The following ULK4 variants were observed in gnomAD, a reference collection of about 807,000 sequenced individuals.
ULK4 encodes unc-51 like kinase 4, also known as inactive serine/threonine-protein kinase ULK4.
Under a neutral mutation model 160.6 loss-of-function variants are expected in ULK4, and 133 were observed. That is an observed-to-expected ratio of 0.83 (90% CI 0.72 to 0.96). The LOEUF (loss-of-function observed/expected upper bound fraction) is 0.96, where lower values mean the gene tolerates loss of function less well. ULK4 is among the 40% of genes least tolerant of loss of function. ULK4 has a pLI of 0.00. For missense variants in ULK4, 1,580 were observed against 1,499.5 expected, an observed-to-expected ratio of 1.05 and a Z score of -0.89; for synonymous variants, 534 against 539.8, an observed-to-expected ratio of 0.99 and a Z score of 0.15.
intron 22 of ULK4, among the ~76,000 whole-genome samples, chr3:41,728,446 G>A (rs372251066): frequency 6.6e-6 from 1 of 152,084 alleles, no homozygotes; most frequent in African/African-American, 2.4e-5. Flanking sequence ...GCTCTGGTGA[G>A]AACTAATGGA....
intron 18 of ULK4, among the ~76,000 whole-genome samples, chr3:41,830,085 G>T (rs1266201313): frequency 6.6e-6 from 1 of 151,988 alleles, no homozygotes; most frequent in Admixed American, 6.6e-5. Flanking sequence ...TCATAGGTGG[G>T]AATTGAACAA....
At chr3:41,283,161 A>C (rs984909346) in intron 35 of ULK4, among the ~76,000 whole-genome samples, 1 of 152,238 alleles carries the variant, frequency 6.6e-6, no homozygotes, top group African/African-American at 2.4e-5. Context: ...GATGCTGGAA[A>C]GGATGTGGAG....
At chr3:41,247,157 G>C (rs1014618278) in intron 36 of ULK4, among the ~76,000 whole-genome samples, 165 bp from the exon 37 acceptor site, 1 of 152,214 alleles carries the variant, frequency 6.6e-6, no homozygotes, top group Non-Finnish European at 1.5e-5. Context: ...GTCCTGGTGG[G>C]GTTCAGAATT....
At chr3:41,331,490 T>C (rs947717193) in intron 35 of ULK4, among the ~76,000 whole-genome samples, 2 of 152,178 alleles carry the variant, frequency 1.3e-5, no homozygotes, top group African/African-American at 4.8e-5. Flanking sequence ...AAGAAAAATA[T>C]CTGTCTAAGG....
At chr3:41,471,932 CT>C (rs2084002486) in intron 32 of ULK4, among the ~76,000 whole-genome samples, 1 of 122,904 alleles carries the variant, frequency 8.1e-6, no homozygotes, top group Admixed American at 7.3e-5. Context: ...AATGTTATAT[CT>C]CAAAAAAAAA....
At chr3:41,696,359 G>C (rs142148709) in intron 27 of ULK4, among the ~76,000 whole-genome samples, 1,835 of 152,182 alleles carry the variant, frequency 0.012, 11 homozygotes, top group Non-Finnish European at 0.018. Context: ...GGTGTAAGCT[G>C]TCTCTCTCTC....
At chr3:41,615,817 A>T in intron 30 of ULK4, 100 bp from the exon 31 acceptor site, 4 of 1,008,676 alleles carry the variant, frequency 4.0e-6, no homozygotes, top group Non-Finnish European at 5.9e-6. Flanking sequence ...TTTATTGCTA[A>T]AATTCCATGA....
At chr3:41,457,822 C>A (rs1206853786) in intron 33 of ULK4, among the ~76,000 whole-genome samples, 1 of 152,170 alleles carries the variant, frequency 6.6e-6, no homozygotes, top group Admixed American at 6.5e-5. Context: ...GAACCACTCC[C>A]TTTTGTCATT....
At chr3:41,322,425 A>C (rs899523537) in intron 35 of ULK4, among the ~76,000 whole-genome samples, 1 of 152,136 alleles carries the variant, frequency 6.6e-6, no homozygotes, top group Non-Finnish European at 1.5e-5. Flanking sequence ...TTTTCTGAGG[A>C]GGCAATAATT....
intron 34 of ULK4, among the ~76,000 whole-genome samples, chr3:41,415,592 G>A (rs2082507143): frequency 6.6e-6 from 1 of 152,026 alleles, no homozygotes; most frequent in Admixed American, 6.6e-5. Context: ...TTTCAAAAGG[G>A]TGCCTCCACA....
At chr3:41,492,200 A>G (rs538348851) in intron 32 of ULK4, among the ~76,000 whole-genome samples, 2 of 152,080 alleles carry the variant, frequency 1.3e-5, no homozygotes, top group East Asian at 3.9e-4. Context: ...ATACGTGTGC[A>G]TGTGTCTTTA....
intron 21 of ULK4, among the ~76,000 whole-genome samples, chr3:41,783,609 T>C (rs1369366113): frequency 6.6e-6 from 1 of 151,732 alleles, no homozygotes; most frequent in Non-Finnish European, 1.5e-5. Flanking sequence ...CTTAGGTTCA[T>C]GCAATCCTCT....
At chr3:41,897,075 T>A in intron 14 of ULK4, 72 bp from the exon 15 acceptor site, 1 of 1,362,684 alleles carries the variant, frequency 7.3e-7, no homozygotes, top group Non-Finnish European at 1.0e-6. Context: ...ACATAAGAAA[T>A]AAACACAGAA....
At chr3:41,871,593 T>C (rs1697095137) in intron 17 of ULK4, among the ~76,000 whole-genome samples, 1 of 152,262 alleles carries the variant, frequency 6.6e-6, no homozygotes, top group African/African-American at 2.4e-5. Flanking sequence ...CTCTAACGGA[T>C]AATAATGACA....
chr3:41,357,253 G>C (rs746608698), intron 35 of ULK4, among the ~76,000 whole-genome samples: 7 of 152,176 alleles, frequency 4.6e-5, no homozygotes, highest in African/African-American at 7.2e-5. Context: ...TAATTAATTT[G>C]TCCCAGGTTT....
intron 31 of ULK4, among the ~76,000 whole-genome samples, chr3:41,613,132 T>C (rs2032780774): frequency 6.6e-6 from 1 of 152,148 alleles, no homozygotes; most frequent in Non-Finnish European, 1.5e-5. Context: ...GAAGCTGCCA[T>C]ATATATGCTA....
At chr3:41,587,188 A>C (rs1225096701) in intron 31 of ULK4, among the ~76,000 whole-genome samples, 1 of 151,300 alleles carries the variant, frequency 6.6e-6, no homozygotes, top group Non-Finnish European at 1.5e-5. Flanking sequence ...ACCACTATCA[A>C]CTCCTAAAAG....
chr3:41,895,642 A>C (rs1274327514), intron 15 of ULK4, 78 bp from the exon 16 acceptor site: 1 of 881,594 alleles, frequency 1.1e-6, no homozygotes, highest in Non-Finnish European at 1.7e-6. Context: ...ATGACAGCAA[A>C]GTTAACAGCT....
intron 32 of ULK4, among the ~76,000 whole-genome samples, chr3:41,496,845 G>T (rs967250042): frequency 6.6e-6 from 1 of 151,952 alleles, no homozygotes; most frequent in Non-Finnish European, 1.5e-5. Flanking sequence ...ATAGACCCAC[G>T]ATTAGAAAAA....
Sources: allele counts gnomAD v4.1 joint callset (sites outside exome capture counted in the v4.1 genomes callset), GRCh38; gene constraint gnomAD v4.1.1; transcripts MANE v1.5; gene names NCBI Gene and HGNC (gene_info 2026-07-23, HGNC 2026-07-21).